EXOC6B: variants seen among roughly 807,000 people sequenced by gnomAD.
EXOC6B encodes the protein SEC15 homolog B.
EXOC6B carries 54 observed loss-of-function variants against 113.5 expected under a neutral mutation model. The observed-to-expected ratio is 0.48, with a 90% CI of 0.38 to 0.60. The LOEUF (loss-of-function observed/expected upper bound fraction) is 0.60. Ranked by LOEUF, EXOC6B falls within the 20% of genes least tolerant of loss-of-function variation. The pLI is 0.00. For synonymous variants in EXOC6B, 357 were observed against 339.0 expected (o/e 1.05, Z -0.58); for missense variants, 797 against 977.5 (o/e 0.82, Z 2.46).
intron 1 of EXOC6B, among the ~76,000 whole-genome samples, chr2:72,813,887 T>TA (rs1292168156): frequency 3.3e-5 from 5 of 152,154 alleles, no homozygotes; most frequent in Non-Finnish European, 7.4e-5. Context: ...AATTCTAAGT[T>TA]ACAGGAAGTG....
chr2:72,318,854 G>A (rs1199345796), intron 20 of EXOC6B, among the ~76,000 whole-genome samples: 1 of 150,926 alleles, frequency 6.6e-6, no homozygotes, highest in Non-Finnish European at 1.5e-5. Context: ...GCAATAAAAA[G>A]TGGAATATGA....
intron 18 of EXOC6B, chr2:72,464,686 A>C (rs1018085383): frequency 1.9e-5 from 3 of 157,588 alleles, no homozygotes; most frequent in Non-Finnish European, 4.2e-5. Flanking sequence ...TATATATAAG[A>C]AGTAGTAAAG....
At chr2:72,300,424 A>C (rs1006360491) in intron 20 of EXOC6B, among the ~76,000 whole-genome samples, 2 of 152,342 alleles carry the variant, frequency 1.3e-5, no homozygotes, top group Middle Eastern at 3.4e-3. Flanking sequence ...GCTAGCAGCA[A>C]GAATTTCAGC....
At chr2:72,221,999 T>C (rs1024118801) in intron 20 of EXOC6B, among the ~76,000 whole-genome samples, 3 of 151,908 alleles carry the variant, frequency 2.0e-5, no homozygotes, top group Non-Finnish European at 4.4e-5. Flanking sequence ...GCAAGGGAGA[T>C]GAAGGAAAAG....
At chr2:72,342,674 C>G (rs1425471046) in intron 19 of EXOC6B, among the ~76,000 whole-genome samples, 2 of 152,104 alleles carry the variant, frequency 1.3e-5, no homozygotes, top group Non-Finnish European at 2.9e-5. Context: ...TTGCTTCTGT[C>G]TGTCATCAAA....
At position 72,499,985 on chromosome 2, in the gene EXOC6B, A is replaced by G; in HGVS notation, c.1168-13T>C. 6.6e-7 allele frequency: 1 copy of G among 1,509,458 alleles called. No homozygotes were observed. Among genetic ancestry groups the G allele is most frequent in the Non-Finnish European group, 9.0e-7 (1 of 1,110,264 alleles). 93.5% of individuals were successfully genotyped at this position (1,509,458 alleles called of 1,614,324 possible). On this transcript the variant is annotated splice_polypyrimidine_tract_variant and intron_variant, in intron 11 of 21. Coordinates refer to ENST00000272427, the MANE Select transcript of EXOC6B (RefSeq NM_015189.3). Reference sequence around the variant, plus strand: ...CAGAACAGTAAGACTAAAGTAAATAAAAGACAAAGGAGGAAAAACATGTTA... The same window carrying G: ...CAGAACAGTAAGACTAAAGTAAATAGAAGACAAAGGAGGAAAAACATGTTA...
intron 6 of EXOC6B, among the ~76,000 whole-genome samples, chr2:72,660,522 C>T (rs1167084387): frequency 6.6e-6 from 1 of 152,144 alleles, no homozygotes; most frequent in Non-Finnish European, 1.5e-5. Flanking sequence ...TATTAATTAT[C>T]CTATCAGAGA....
intron 6 of EXOC6B, among the ~76,000 whole-genome samples, chr2:72,601,182 CT>C (rs1447768157): frequency 7.8e-6 from 1 of 128,142 alleles, no homozygotes. Flanking sequence ...GTGTGTATAT[CT>C]TTTTTTCTTT....
chr2:72,187,359 AGC>A (rs1467857375), intron 20 of EXOC6B, among the ~76,000 whole-genome samples: 1 of 151,990 alleles, frequency 6.6e-6, no homozygotes, highest in African/African-American at 2.4e-5. Flanking sequence ...GTGTTACCCC[AGC>A]TCTTTTAGCC....
chr2:72,430,140 T>G (rs761576552), intron 18 of EXOC6B, among the ~76,000 whole-genome samples: 21 of 152,216 alleles, frequency 1.4e-4, no homozygotes, highest in Admixed American at 1.1e-3. Context: ...CTGAGAAGAC[T>G]ACATCTTTTC....
At chr2:72,600,464 A>C (rs1404227044) in intron 6 of EXOC6B, among the ~76,000 whole-genome samples, 2 of 137,292 alleles carry the variant, frequency 1.5e-5, no homozygotes, top group Non-Finnish European at 3.1e-5. Flanking sequence ...AAAAAAAAAA[A>C]ACTACAATAA....
chr2:72,295,353 C>T (rs1468829715), intron 20 of EXOC6B, among the ~76,000 whole-genome samples: 1 of 151,858 alleles, frequency 6.6e-6, no homozygotes, highest in Non-Finnish European at 1.5e-5. Context: ...TTTCTAATGC[C>T]TAAAAACATG....
intron 19 of EXOC6B, among the ~76,000 whole-genome samples, chr2:72,373,514 A>C (rs1223457193): frequency 6.6e-6 from 1 of 152,238 alleles, no homozygotes; most frequent in African/African-American, 2.4e-5. Flanking sequence ...TTTGCATACT[A>C]TCCATCTGGG....
intron 6 of EXOC6B, among the ~76,000 whole-genome samples, chr2:72,649,174 G>A (rs1673970071): frequency 6.6e-6 from 1 of 152,108 alleles, no homozygotes; most frequent in African/African-American, 2.4e-5. Flanking sequence ...AACTCATGGA[G>A]ATAATAGAAT....
intron 8 of EXOC6B, among the ~76,000 whole-genome samples, chr2:72,551,509 C>CT (rs796570008): frequency 0.038 from 4,230 of 109,906 alleles, 163 homozygotes; most frequent in African/African-American, 0.11. Context: ...ATAATAAAAT[C>CT]TTTTTTTTTT....
At chr2:72,511,196 T>C (rs1395894521) in intron 11 of EXOC6B, among the ~76,000 whole-genome samples, 1 of 152,014 alleles carries the variant, frequency 6.6e-6, no homozygotes. Flanking sequence ...TAATGACATA[T>C]CCTCTTTGGA....
At chr2:72,515,217 T>C (rs948182130) in intron 8 of EXOC6B, 91 bp from the exon 9 acceptor site, 215 of 1,199,702 alleles carry the variant, frequency 1.8e-4, no homozygotes, top group Non-Finnish European at 2.4e-4. Flanking sequence ...GTCTGGAATT[T>C]GAGGTAGTAT....
chr2:72,736,121 T>C (rs1291774577), intron 2 of EXOC6B, among the ~76,000 whole-genome samples: 2 of 150,624 alleles, frequency 1.3e-5, no homozygotes, highest in East Asian at 3.9e-4. Flanking sequence ...GGAGGCAAAG[T>C]TTGCAGTGAG....
chr2:72,798,944 A>G (rs924199973), intron 1 of EXOC6B, among the ~76,000 whole-genome samples: 1 of 152,168 alleles, frequency 6.6e-6, no homozygotes, highest in Admixed American at 6.6e-5. Context: ...CCTACATATA[A>G]AATGTGTTCT....
Sources: gnomAD v4.1 joint callset for allele counts (sites outside exome capture counted in the v4.1 genomes callset) on GRCh38, gnomAD v4.1.1 for gene constraint, MANE v1.5 for transcripts, NCBI Gene and HGNC (gene_info 2026-07-23, HGNC 2026-07-21) for gene names.